The following CCDC192 variants were observed in gnomAD, a reference collection of about 807,000 sequenced individuals.
CCDC192 encodes coiled-coil domain containing 192.
At chr5:127,900,452 G>C (rs1419774121) in intron 6 of CCDC192, among the ~76,000 whole-genome samples, 4 of 152,210 alleles carry the variant, frequency 2.6e-5, no homozygotes, top group Non-Finnish European at 5.9e-5. Context: ...AAAAACATGT[G>C]AGATGAGACA....
At chr5:127,786,478 A>G (rs1225219537) in intron 3 of CCDC192, 2 of 630,684 alleles carry the variant, frequency 3.2e-6, no homozygotes, top group Non-Finnish European at 5.9e-6. Flanking sequence ...TGGTTTCACC[A>G]TTTCCTTCCT....
At chr5:127,874,380 C>A (rs1751982155) in intron 5 of CCDC192, among the ~76,000 whole-genome samples, 1 of 152,232 alleles carries the variant, frequency 6.6e-6, no homozygotes, top group Admixed American at 6.5e-5. Context: ...GGGTGACCTC[C>A]CAAAGGTTTA....
At chr5:127,848,901 C>G (rs1750679076) in intron 5 of CCDC192, among the ~76,000 whole-genome samples, 1 of 152,200 alleles carries the variant, frequency 6.6e-6, no homozygotes, top group African/African-American at 2.4e-5. Flanking sequence ...TTGCCACCTA[C>G]TCAGAAAGAA....
intron 5 of CCDC192, among the ~76,000 whole-genome samples, chr5:127,864,963 T>C (rs562801903): frequency 6.6e-6 from 1 of 152,112 alleles, no homozygotes; most frequent in Non-Finnish European, 1.5e-5. Flanking sequence ...CTGGCTAACA[T>C]GGTGAAACCC....
intron 2 of CCDC192, among the ~76,000 whole-genome samples, chr5:127,745,888 T>C (rs1243961784): frequency 6.6e-6 from 1 of 152,236 alleles, no homozygotes; most frequent in African/African-American, 2.4e-5. Context: ...CCTTCTGCCA[T>C]TGCACCTTGC....
intron 5 of CCDC192, among the ~76,000 whole-genome samples, chr5:127,873,378 T>C (rs945511689): frequency 3.9e-5 from 6 of 152,136 alleles, no homozygotes; most frequent in African/African-American, 1.2e-4. Context: ...ATTGCAAACA[T>C]ACAAAAAAGT....
chr5:127,724,682 C>G (rs1409021449), intron 2 of CCDC192, among the ~76,000 whole-genome samples: 1 of 152,042 alleles, frequency 6.6e-6, no homozygotes, highest in Non-Finnish European at 1.5e-5. Context: ...AACCCCGTCT[C>G]TGCTGAAAAT....
intron 6 of CCDC192, among the ~76,000 whole-genome samples, chr5:127,896,947 C>A (rs1752909172): frequency 6.6e-6 from 1 of 152,060 alleles, no homozygotes; most frequent in East Asian, 1.9e-4. Flanking sequence ...CTAAATAATG[C>A]TTTCTTTGAA....
chr5:127,932,185 A>G (rs1754052421), intron 6 of CCDC192, among the ~76,000 whole-genome samples: 1 of 151,392 alleles, frequency 6.6e-6, no homozygotes, highest in African/African-American at 2.4e-5. Context: ...ACTCAGTGAT[A>G]TTACATGCAA....
intron 5 of CCDC192, among the ~76,000 whole-genome samples, chr5:127,839,994 G>T (rs1281562961): frequency 6.6e-6 from 1 of 152,146 alleles, no homozygotes; most frequent in African/African-American, 2.4e-5. Flanking sequence ...GTTCTCAGAA[G>T]AGCATATGAC....
chr5:127,858,520 A>G (rs1751205210), intron 5 of CCDC192, among the ~76,000 whole-genome samples: 1 of 152,194 alleles, frequency 6.6e-6, no homozygotes, highest in African/African-American at 2.4e-5. Flanking sequence ...TACTTGTCAC[A>G]GTTGGCAACT....
chr5:127,870,331 C>T (rs1358230651), intron 5 of CCDC192, among the ~76,000 whole-genome samples: 1 of 152,212 alleles, frequency 6.6e-6, no homozygotes, highest in Non-Finnish European at 1.5e-5. Flanking sequence ...TTCACCAGCA[C>T]ACTTCAATGC....
intron 2 of CCDC192, among the ~76,000 whole-genome samples, chr5:127,736,744 T>C (rs1753024464): frequency 6.6e-6 from 1 of 150,910 alleles, no homozygotes; most frequent in Non-Finnish European, 1.5e-5. Flanking sequence ...TCTCTGATGG[T>C]AGTTTGTATT....
chr5:127,725,581 G>C (rs1275011037), intron 2 of CCDC192, among the ~76,000 whole-genome samples: 1 of 152,082 alleles, frequency 6.6e-6, no homozygotes, highest in Non-Finnish European at 1.5e-5. Context: ...AAATCAGTGT[G>C]TATTTTATAC....
chr5:127,892,991 T>A (rs1752772694), intron 6 of CCDC192, among the ~76,000 whole-genome samples: 1 of 152,176 alleles, frequency 6.6e-6, no homozygotes, highest in South Asian at 2.1e-4. Context: ...TTTGAAAATC[T>A]CAGCCAGGAT....
chr5:127,920,911 T>A (rs1753693753), intron 6 of CCDC192, among the ~76,000 whole-genome samples: 1 of 151,492 alleles, frequency 6.6e-6, no homozygotes, highest in African/African-American at 2.4e-5. Flanking sequence ...AAGACAAAAA[T>A]TAGCCAGGCA....
intron 6 of CCDC192, among the ~76,000 whole-genome samples, chr5:127,881,824 T>C (rs1046107684): frequency 6.6e-6 from 1 of 152,236 alleles, no homozygotes; most frequent in Non-Finnish European, 1.5e-5. Flanking sequence ...ACACCTGAAA[T>C]GCTTACAGCT....
intron 6 of CCDC192, among the ~76,000 whole-genome samples, chr5:127,892,302 G>A (rs1561541996): frequency 6.6e-6 from 1 of 152,178 alleles, no homozygotes; most frequent in Admixed American, 6.5e-5. Flanking sequence ...AGACAATCCT[G>A]AGATAATTAA....
At chr5:127,723,290 T>A (rs2126802614) in intron 2 of CCDC192, among the ~76,000 whole-genome samples, 1 of 152,314 alleles carries the variant, frequency 6.6e-6, no homozygotes, top group Admixed American at 6.5e-5. Context: ...TGTTACTGAT[T>A]TTTGTATGTT....
Sources: allele counts gnomAD v4.1 joint callset (sites outside exome capture counted in the v4.1 genomes callset), GRCh38; gene constraint gnomAD v4.1.1; transcripts MANE v1.5; gene names NCBI Gene and HGNC (gene_info 2026-07-23, HGNC 2026-07-21).